Variants in NLRC5 observed in about 807,000 individuals in gnomAD.
The protein encoded by NLRC5 is protein NLRC5.
NLRC5 carries 114 observed loss-of-function variants against 206.9 expected under a neutral mutation model. That is an observed-to-expected ratio of 0.55 (90% CI 0.47 to 0.64). The LOEUF (loss-of-function observed/expected upper bound fraction) is 0.64. NLRC5 is among the 30% of genes least tolerant of loss of function. NLRC5 has a pLI of 0.00. For synonymous variants in NLRC5, 952 were observed against 962.8 expected (o/e 0.99, Z 0.21); for missense variants, 2,008 against 2,305.5 (o/e 0.87, Z 2.64).
intron 1 of NLRC5, among the ~76,000 whole-genome samples, chr16:57,015,358 G>T (rs1305024231): frequency 6.9e-6 from 1 of 145,912 alleles, no homozygotes; most frequent in East Asian, 1.9e-4. Flanking sequence ...GTGAATTGGT[G>T]GGGGAGGTGG....
At chr16:57,022,788 A>G (rs1334204715) in intron 4 of NLRC5, among the ~76,000 whole-genome samples, 1 of 152,194 alleles carries the variant, frequency 6.6e-6, no homozygotes, top group Non-Finnish European at 1.5e-5. Context: ...ATGACCACCT[A>G]CTGATTCGTG....
chr16:57,077,228 T>C, intron 40 of NLRC5, 68 bp from the exon 41 acceptor site: 1 of 1,440,610 alleles, frequency 6.9e-7, no homozygotes, highest in Non-Finnish European at 9.8e-7. Context: ...CTCCCCTTCT[T>C]TTTCTGGGAG....
chr16:57,022,184 C>A, intron 3 of NLRC5, 72 bp from the exon 4 acceptor site: 1 of 1,337,826 alleles, frequency 7.5e-7, no homozygotes, highest in South Asian at 1.3e-5. Flanking sequence ...CTGAGCCAGG[C>A]GCCAGGCCAG....
chr16:57,016,686 G>T (rs1242393423), intron 1 of NLRC5, among the ~76,000 whole-genome samples: 1 of 152,154 alleles, frequency 6.6e-6, no homozygotes, highest in Non-Finnish European at 1.5e-5. Flanking sequence ...TTATATTGGG[G>T]GCAAAAGTTG....
In NLRC5 at chr16:57,025,544, G is replaced by A; in HGVS notation, c.601G>A (p.Val201Met). 6.2e-7 allele frequency: 1 copy of A among 1,613,746 alleles called. No individual in the cohort carries two copies. Among genetic ancestry groups the A allele is most frequent in the African/African-American group, 1.3e-5 (1 of 75,028 alleles). Residue 201 changes from valine (V) to methionine (M), a missense_variant, in exon 6 of 49, where the codon GTG (valine) becomes ATG (methionine). Physicochemically the swap from Val to Met is conservative, Grantham distance 21. Coordinates refer to ENST00000688547, the MANE Select transcript of NLRC5 (RefSeq NM_001384950.1). ...PEGAIMGDVK[V>M]EDGADVSISD... ...GGGGGCCATTATGGGGGACGTCAAG[G>A]TGGAAGATGGTGCTGACGTGAGCAT...
At chr16:56,997,943 C>T (rs1045771150) in intron 1 of NLRC5, among the ~76,000 whole-genome samples, 1 of 152,138 alleles carries the variant, frequency 6.6e-6, no homozygotes, top group African/African-American at 2.4e-5. Flanking sequence ...AAGCATTACT[C>T]CTGCTTGACA....
intron 1 of NLRC5, among the ~76,000 whole-genome samples, chr16:57,015,822 A>G (rs1467616704): frequency 7.0e-6 from 1 of 142,008 alleles, no homozygotes; most frequent in Non-Finnish European, 1.5e-5. Flanking sequence ...ACTACTTGGG[A>G]GGCTGAGGCA....
rs542538672 is a variant in NLRC5 at position 57,065,098 on chromosome 16, A to C, written c.4155-114A>C. 239 of 521,634 alleles carry C rather than the reference A, an allele frequency of 4.6e-4. 1 individual carries two copies. Among genetic ancestry groups the C allele is most frequent in the Non-Finnish European group, 6.4e-4 (210 of 330,324 alleles). 32.3% of individuals were successfully genotyped at this position (521,634 alleles called of 1,614,324 possible). On this transcript the variant is annotated intron_variant, in intron 32 of 48. Transcript: ENST00000688547. ...TATAGTTTTAAAATGAGCAAAAAAA[A>C]CTCAAAAAGCCTCTAGGTCCCCCCC...
intron 39 of NLRC5, chr16:57,075,848 T>C (rs2068328971): frequency 6.6e-6 from 1 of 152,572 alleles, no homozygotes; most frequent in African/African-American, 2.4e-5. Flanking sequence ...TTATATCATA[T>C]TGGACCATTT....
At chr16:57,025,027 G>T (rs1597216747) in intron 5 of NLRC5, among the ~76,000 whole-genome samples, 2 of 152,116 alleles carry the variant, frequency 1.3e-5, no homozygotes, top group African/African-American at 4.8e-5. Context: ...AGAAAAAAAA[G>T]AGATGTTGCA....
At chr16:57,073,189 T>G (rs1332028772) in intron 38 of NLRC5, among the ~76,000 whole-genome samples, 1 of 152,200 alleles carries the variant, frequency 6.6e-6, no homozygotes, top group Non-Finnish European at 1.5e-5. Context: ...TTCTTCCTCC[T>G]GATTTCCCAG....
rs1164947715 is a variant in NLRC5 at position 57,027,092 on chromosome 16, C to A, written c.2075+74C>A. ...AGCAGAGGCCAACCAGTCTAGCAAACCTCTGCCAAGAGGACTGGATAAGAA... is the reference window on the plus strand; with the variant it reads ...AGCAGAGGCCAACCAGTCTAGCAAAACTCTGCCAAGAGGACTGGATAAGAA... On this transcript the variant is annotated intron_variant, in intron 6 of 48. Coordinates refer to ENST00000688547, the MANE Select transcript of NLRC5 (RefSeq NM_001384950.1). 38 of 1,514,534 alleles carry A rather than the reference C, an allele frequency of 2.5e-5. No individual in the cohort carries two copies. The Admixed American group carries it at 7.0e-4, about 28-fold the overall frequency. 93.8% of individuals were successfully genotyped at this position (1,514,534 alleles called of 1,614,324 possible).
chr16:57,010,428 G>T (rs1381299342), intron 1 of NLRC5, among the ~76,000 whole-genome samples: 1 of 152,140 alleles, frequency 6.6e-6, no homozygotes, highest in African/African-American at 2.4e-5. Context: ...AGGCTGGAGT[G>T]GGGTGGCGAG....
chr16:57,081,577 G>T lies in NLRC5; in HGVS notation c.5456G>T (p.Gly1819Val), dbSNP rs768609901. The T allele has an allele frequency of 6.2e-7, 1 of 1,614,058 alleles. No homozygotes were observed. Among genetic ancestry groups the T allele is most frequent in the Non-Finnish European group, 8.5e-7 (1 of 1,179,992 alleles). Residue 1819 changes from glycine (G) to valine (V), a missense_variant, in exon 48 of 49, where the codon GGA becomes GTA. Gly to Val is a moderately radical substitution (Grantham distance 109). Coordinates refer to ENST00000688547, the MANE Select transcript of NLRC5 (RefSeq NM_001384950.1). The part of the protein sequence containing the change: ...TALGAWLLAE[G>V]LAQGSSIQVI... ...TTGGGGGCCTGGCTCCTGGCTGAAGGACTGGCCCAGGGGTCTAGCATCCAA... is the reference window on the plus strand; with the variant it reads ...TTGGGGGCCTGGCTCCTGGCTGAAGTACTGGCCCAGGGGTCTAGCATCCAA...
chr16:57,058,216 G>T, intron 28 of NLRC5, 68 bp downstream of exon 28: 1 of 1,354,954 alleles, frequency 7.4e-7, no homozygotes, highest in African/African-American at 1.4e-5. Flanking sequence ...AAGCATGATG[G>T]GGGCTCCTTC....
At chr16:57,029,637 C>T (rs1287635142) in intron 8 of NLRC5, 136 bp from the exon 9 acceptor site, 9 of 688,876 alleles carry the variant, frequency 1.3e-5, no homozygotes, top group East Asian at 8.2e-5. Context: ...TGGAATCCGG[C>T]GAGCAGGCCA....
At chr16:57,056,861 G>C in intron 27 of NLRC5, among the ~76,000 whole-genome samples, 1 of 151,922 alleles carries the variant, frequency 6.6e-6, no homozygotes. Context: ...GTTTCACCAT[G>C]TTGGCCAGGC....
At chr16:57,021,626 C>T (rs1352102139) in intron 3 of NLRC5, among the ~76,000 whole-genome samples, 1 of 152,218 alleles carries the variant, frequency 6.6e-6, no homozygotes, top group Non-Finnish European at 1.5e-5. Flanking sequence ...CTCCCTTGGC[C>T]TCCCAAAGTG....
At chr16:56,991,634 G>A (rs116437051) in intron 1 of NLRC5, among the ~76,000 whole-genome samples, 3,281 of 149,946 alleles carry the variant, frequency 0.022, 130 homozygotes, top group African/African-American at 0.076. Context: ...CACCCGCCTC[G>A]GCCTCCTGTG....
Sources: allele counts gnomAD v4.1 joint callset (sites outside exome capture counted in the v4.1 genomes callset), GRCh38; gene constraint gnomAD v4.1.1; transcripts MANE v1.5; gene names NCBI Gene and HGNC (gene_info 2026-07-23, HGNC 2026-07-21).